MAP7D3: variants seen among roughly 807,000 people sequenced by gnomAD.
MAP7D3 encodes the protein MAP7 domain containing 3.
A neutral mutation model predicts 62.2 loss-of-function variants in MAP7D3; 45 were observed. The ratio of observed to expected loss-of-function variants is 0.72; its 90% CI spans 0.57 to 0.93. The LOEUF (loss-of-function observed/expected upper bound fraction) is 0.93, where lower values mean the gene tolerates loss of function less well. Ranked by LOEUF, MAP7D3 falls within the 40% of genes least tolerant of loss-of-function variation. MAP7D3 has a pLI of 0.00. For synonymous variants in MAP7D3, 288 were observed against 248.8 expected (o/e 1.16, Z -1.48); for missense variants, 711 against 683.1 (o/e 1.04, Z -0.45).
At chrX:136,240,339 C>A in intron 6 of MAP7D3, 43 bp downstream of exon 6, 1 of 807,753 alleles carries the variant, frequency 1.2e-6, no homozygotes, top group Non-Finnish European at 1.9e-6. Context: ...GAACTGATTT[C>A]ATTTAATAGA....
intron 16 of MAP7D3, among the ~76,000 whole-genome samples, chrX:136,219,995 T>G (rs1200450964): frequency 8.9e-6 from 1 of 112,185 alleles, no homozygotes; most frequent in Non-Finnish European, 1.9e-5. Flanking sequence ...GTACAGGTCC[T>G]CTAGCTCTAA....
chrX:136,247,529 G>A (rs1479932585), intron 1 of MAP7D3, among the ~76,000 whole-genome samples: 1 of 110,370 alleles, frequency 9.1e-6, no homozygotes, highest in Non-Finnish European at 1.9e-5. Flanking sequence ...TTGCTACTGA[G>A]GGAGTTATTT....
chrX:136,251,649 G>T, upstream of MAP7D3: 1 of 580,664 alleles, frequency 1.7e-6, no homozygotes, highest in African/African-American at 2.4e-5. Flanking sequence ...TCAGCACCCA[G>T]CTTGGCCCCC....
rs769787877 is a variant in MAP7D3 at position 136,224,808 on chromosome X, G to T, written c.2193+19C>A. 1.2e-5 allele frequency: 14 copies of T among 1,125,386 alleles called. No individual in the cohort carries two copies. The East Asian group carries it at 3.0e-4, about 24-fold the overall frequency. 92.7% of individuals were successfully genotyped at this position (1,125,386 alleles called of 1,213,427 possible). A position where few individuals can be genotyped will look rare whatever the true frequency, so the allele number is the denominator to read the frequency against. On this transcript the variant is annotated intron_variant, in intron 14 of 18. Coordinates refer to ENST00000316077, the MANE Select transcript of MAP7D3 (RefSeq NM_024597.4). ...CAAGAGGCATTCTTATACACTGCTG[G>T]TAGGAGTATGGAGACTACCTTTGAG...
At chrX:136,227,150 T>A (rs1468797421) in intron 12 of MAP7D3, 134 bp downstream of exon 12, 8 of 473,307 alleles carry the variant, frequency 1.7e-5, no homozygotes, top group African/African-American at 1.3e-4. Flanking sequence ...AATAAATAAA[T>A]AAAATAAAAA....
At chrX:136,229,558 C>T (rs989515415) in intron 10 of MAP7D3, among the ~76,000 whole-genome samples, 6 of 110,312 alleles carry the variant, frequency 5.4e-5, no homozygotes, top group Non-Finnish European at 7.6e-5. Flanking sequence ...AATCAAGGGA[C>T]ACCACATTAT....
At chrX:136,213,279 G>C (rs2074042243), downstream of MAP7D3, 1 of 111,475 alleles carries the variant, frequency 9.0e-6, no homozygotes, top group African/African-American at 3.3e-5. Flanking sequence ...CACCCCTAAG[G>C]CTCAGGAGAA....
rs775563819 is a variant in MAP7D3 at position 136,219,748 on chromosome X, A to C, written c.2487-77T>G. 4.0e-6 allele frequency: 3 copies of C among 751,392 alleles called. No homozygotes were observed. In the Admixed American group the frequency reaches 6.6e-5, roughly 17 times the overall value. The allele number at this position is 751,392 out of a possible 1,213,427, so 61.9% of individuals were successfully genotyped here. On this transcript the variant is annotated intron_variant, in intron 16 of 18. Coordinates refer to ENST00000316077, the MANE Select transcript of MAP7D3 (RefSeq NM_024597.4). ...TGGCCTAAAAGAAGCTTTGTCCTTT[A>C]ATTAACTTCTAAGAAATGCCTTGGA...
chrX:136,225,925 C>T lies in MAP7D3; in HGVS notation c.2123G>A (p.Arg708Gln), dbSNP rs191075892. ...ERIMLQNLQE[R>Q]LERKKRIEEI... is the part of the protein sequence containing the mutation. Reference sequence around the variant, plus strand: ...AGCGAGTACCTTTTTCCTTTCTAACCGTTCTTGTAAATTTTGTAACATAAT... The same window carrying T: ...AGCGAGTACCTTTTTCCTTTCTAACTGTTCTTGTAAATTTTGTAACATAAT... Residue 708 changes from arginine to glutamine, a missense_variant, in exon 13 of 19, where the codon CGG becomes CAG. Coordinates refer to ENST00000316077, the MANE Select transcript of MAP7D3 (RefSeq NM_024597.4). The T allele has an allele frequency of 4.7e-3, 5,544 of 1,188,264 alleles. 15 individuals carry two copies. The highest frequency in any genetic ancestry group is 5.4e-3 in the Non-Finnish European group (4,761 of 877,988).
chrX:136,218,983 C>A (rs1022728529), intron 18 of MAP7D3, among the ~76,000 whole-genome samples: 1 of 110,834 alleles, frequency 9.0e-6, no homozygotes, highest in East Asian at 2.8e-4. Context: ...CCAAAGTAGC[C>A]GGGATTACAG....
chrX:136,213,463 G>A (rs2074043635), downstream of MAP7D3: 1 of 111,015 alleles, frequency 9.0e-6, no homozygotes, highest in Admixed American at 9.6e-5. Flanking sequence ...TCATGAGACT[G>A]TGGGCAAGTT....
chrX:136,222,456 C>T lies in MAP7D3; in HGVS notation c.2224G>A (p.Glu742Lys). The T allele has an allele frequency of 8.3e-7, 1 of 1,206,847 alleles. No individual in the cohort carries two copies. The highest frequency in any genetic ancestry group is 1.1e-6 in the Non-Finnish European group (1 of 891,228). The change falls in exon 15 of 19, where the codon GAA (glutamate) becomes AAA (lysine). Residue 742 changes from glutamate to lysine, a missense_variant. Physicochemically the swap from Glu to Lys is moderately conservative, Grantham distance 56. Coordinates refer to ENST00000316077, the MANE Select transcript of MAP7D3 (RefSeq NM_024597.4). ...VTETSSHDIY[E>K]EAEADNEESD... ...TCTTCGTTGTCAGCCTCAGCCTCTT[C>T]ATATATGTCATGGCTGGATGTTTCT...
At chrX:136,216,287 G>T (rs1269916186), downstream of MAP7D3, among the ~76,000 whole-genome samples, 1 of 100,783 alleles carries the variant, frequency 9.9e-6, no homozygotes, top group Admixed American at 1.1e-4. Context: ...CACTTTTGGA[G>T]GCTGAGGCAG....
chrX:136,228,284 C>T (rs1187101979), intron 11 of MAP7D3, among the ~76,000 whole-genome samples: 1 of 112,086 alleles, frequency 8.9e-6, no homozygotes, highest in Non-Finnish European at 1.9e-5. Context: ...AGGGCTGACA[C>T]TAGTGAACAC....
At chrX:136,237,711 T>G (rs1296541924) in intron 6 of MAP7D3, among the ~76,000 whole-genome samples, 1 of 111,951 alleles carries the variant, frequency 8.9e-6, no homozygotes, top group Non-Finnish European at 1.9e-5. Context: ...TATCTTGAAG[T>G]CATAATCTGT....
chrX:136,231,703 G>A lies in MAP7D3; in HGVS notation c.1254C>T (p.Pro418=), dbSNP rs2074270093. Residue 418 remains proline (P), a synonymous_variant, in exon 8 of 19, where the codon CCC becomes CCT. Transcript: ENST00000316077. ...AAPEGSLEAP[P]KGSAEVAPKE... ...TGGGGGCTACTTCTGCGCTCCCCTT[G>A]GGAGGTGCTTCCAGGCTCCCCTCTG... 3 of 1,209,499 alleles carry A rather than the reference G, an allele frequency of 2.5e-6. No homozygotes were observed. The highest frequency in any genetic ancestry group is 3.4e-6 in the Non-Finnish European group (3 of 894,147).
At chrX:136,247,499 A>T (rs768932219) in intron 1 of MAP7D3, among the ~76,000 whole-genome samples, 2 of 111,006 alleles carry the variant, frequency 1.8e-5, no homozygotes, top group African/African-American at 6.5e-5. Context: ...TTATAAAATG[A>T]ATGAACTCTG....
At chrX:136,241,500 CTT>C (rs2074389548) in intron 4 of MAP7D3, among the ~76,000 whole-genome samples, 1 of 111,789 alleles carries the variant, frequency 8.9e-6, no homozygotes, top group Admixed American at 9.5e-5. Flanking sequence ...ATGCTTTCCT[CTT>C]TGTTTGTATC....
chrX:136,247,247 A>T lies in MAP7D3; in HGVS notation c.71-906T>A, dbSNP rs753624751. ...GACACACATGAGTTATTATAGGGGA[A>T]TCCCTGAACCCTTTAATTCCACACA... On this transcript the variant is annotated intron_variant, in intron 1 of 18. Coordinates refer to ENST00000316077, the MANE Select transcript of MAP7D3 (RefSeq NM_024597.4). Among the ~76,000 whole-genome samples the T allele has an allele frequency of 6.2e-5, 7 of 112,347 alleles. No homozygotes were observed. The South Asian group carries it at 2.6e-3, about 41-fold the overall frequency.
Sources: allele counts gnomAD v4.1 joint callset (sites outside exome capture counted in the v4.1 genomes callset), GRCh38; gene constraint gnomAD v4.1.1; transcripts MANE v1.5; gene names NCBI Gene and HGNC (gene_info 2026-07-23, HGNC 2026-07-21).